MID1: variants seen among roughly 807,000 people sequenced by gnomAD.
MID1 encodes the protein midline 1, also known as E3 ubiquitin-protein ligase Midline-1.
MID1 carries 7 observed loss-of-function variants against 40.4 expected under a neutral mutation model. The ratio of observed to expected loss-of-function variants is 0.17; its 90% CI spans 0.10 to 0.33. The LOEUF (loss-of-function observed/expected upper bound fraction) is 0.33. Among genes scored for constraint, MID1 ranks in the 10% least tolerant of loss-of-function variants. The pLI is 1.00. For synonymous variants in MID1, 229 were observed against 221.2 expected (o/e 1.04, Z -0.31); for missense variants, 367 against 558.5 (o/e 0.66, Z 3.46).
chrX:10,623,105 G>T (rs1229922709), upstream of MID1, among the ~76,000 whole-genome samples: 1 of 97,064 alleles, frequency 1.0e-5, no homozygotes, highest in Non-Finnish European at 2.0e-5. Context: ...AAAAAAAATA[G>T]CTGGGCATGG....
intron 1 of MID1, among the ~76,000 whole-genome samples, chrX:10,815,330 G>T (rs2044128865): frequency 8.9e-6 from 1 of 112,095 alleles, no homozygotes; most frequent in South Asian, 3.7e-4. Flanking sequence ...GCCAGAACAA[G>T]AAATCACTTC....
At chrX:10,581,298 A>G (rs1240963090) in intron 1 of MID1, among the ~76,000 whole-genome samples, 1 of 111,873 alleles carries the variant, frequency 8.9e-6, no homozygotes, top group Non-Finnish European at 1.9e-5. Context: ...CAAACAAAAA[A>G]CATGTAGTAC....
chrX:10,503,825 G>C (rs1209366135), intron 3 of MID1, among the ~76,000 whole-genome samples: 1 of 112,109 alleles, frequency 8.9e-6, no homozygotes, highest in Non-Finnish European at 1.9e-5. Context: ...AAGGAAGCAA[G>C]ACACTATCAA....
rs764098546 is a variant in MID1 at position 10,567,397 on chromosome X, T to C, written c.151A>G (p.Ile51Val). The C allele has an allele frequency of 5.8e-6, 7 of 1,205,885 alleles. No homozygotes were observed. The highest frequency in any genetic ancestry group is 7.9e-6 in the Non-Finnish European group (7 of 891,554). ...HCATNESVES[I>V]TAFQCPTCRH... ...CAGGTGGGGCACTGGAAGGCGGTGA[T>C]GGACTCCACAGACTCGTTGGTGGCA... The change falls in exon 2 of 10, where the codon ATC becomes GTC. Residue 51 changes from isoleucine to valine, a missense_variant. Transcript: ENST00000317552.
At position 10,566,960 on chromosome X, in the gene MID1, G is replaced by C. The variant is rs41303167; in HGVS notation, c.588C>G (p.Ala196=). The change falls in exon 2 of 10, where the codon GCC becomes GCG. Residue 196 remains alanine (A), a synonymous_variant. Coordinates refer to ENST00000317552, the MANE Select transcript of MID1 (RefSeq NM_000381.4). ...YCVTDDQLIC[A]LCKLVGRHRD... is the part of the protein sequence containing the mutation. Reference sequence around the variant, plus strand: ...GGTGCCGCCCAACCAGTTTACACAAGGCACAGATTAACTGGTCATCGGTCA... The same window carrying C: ...GGTGCCGCCCAACCAGTTTACACAACGCACAGATTAACTGGTCATCGGTCA... 2.2e-3 allele frequency: 2,673 copies of C among 1,210,045 alleles called. 3 individuals are homozygous for C. The highest frequency in any genetic ancestry group is 2.6e-3 in the Non-Finnish European group (2,356 of 895,214).
chrX:10,512,755 A>C (rs936203147), intron 3 of MID1, among the ~76,000 whole-genome samples: 1 of 112,361 alleles, frequency 8.9e-6, no homozygotes, highest in Non-Finnish European at 1.9e-5. Flanking sequence ...GCCTTGTCAG[A>C]GAATTAGACC....
At chrX:10,805,166 C>T (rs901606209) in intron 1 of MID1, among the ~76,000 whole-genome samples, 1 of 108,954 alleles carries the variant, frequency 9.2e-6, no homozygotes, top group Non-Finnish European at 1.9e-5. Context: ...GTGCGCTGCA[C>T]CCACTAACTT....
chrX:10,637,455 T>C (rs1274892553), intron 1 of MID1, among the ~76,000 whole-genome samples: 1 of 109,189 alleles, frequency 9.2e-6, no homozygotes, highest in East Asian at 2.9e-4. Context: ...TGAAACTCCA[T>C]CTCTACTAAA....
At chrX:10,522,614 C>T (rs1002106243) in intron 3 of MID1, among the ~76,000 whole-genome samples, 4 of 111,663 alleles carry the variant, frequency 3.6e-5, no homozygotes, top group South Asian at 3.8e-4. Flanking sequence ...CTCCTGCCTC[C>T]GCCTCTGGAG....
chrX:10,493,455 A>T (rs1365530421), intron 4 of MID1, among the ~76,000 whole-genome samples: 1 of 112,466 alleles, frequency 8.9e-6, no homozygotes, highest in Non-Finnish European at 1.9e-5. Context: ...CACTGAGATA[A>T]TAAATCTATG....
At chrX:10,724,132 G>A (rs1217237775) in intron 1 of MID1, among the ~76,000 whole-genome samples, 1 of 111,002 alleles carries the variant, frequency 9.0e-6, no homozygotes, top group Non-Finnish European at 1.9e-5. Flanking sequence ...GTATTATCTC[G>A]GCTCACTGCA....
chrX:10,666,243 G>T (rs764849317), intron 1 of MID1, among the ~76,000 whole-genome samples: 1 of 110,923 alleles, frequency 9.0e-6, no homozygotes, highest in Non-Finnish European at 1.9e-5. Flanking sequence ...AATCTCCTGG[G>T]ATCTTCTCAG....
chrX:10,702,176 G>A, intron 1 of MID1, among the ~76,000 whole-genome samples: 1 of 112,340 alleles, frequency 8.9e-6, no homozygotes, highest in Non-Finnish European at 1.9e-5. Flanking sequence ...AAATCCACTG[G>A]AAATAACATT....
chrX:10,613,728 TATATAGAGAG>T (rs1440267112), intron 1 of MID1, among the ~76,000 whole-genome samples: 152 of 39,996 alleles, frequency 3.8e-3, no homozygotes, highest in Non-Finnish European at 5.3e-3. Flanking sequence ...TATATATATA[TATATAGAGAG>T]AGAGAGAGAG....
chrX:10,478,305 A>T (rs1191026279), intron 5 of MID1, among the ~76,000 whole-genome samples: 1 of 112,264 alleles, frequency 8.9e-6, no homozygotes, highest in Admixed American at 9.5e-5. Context: ...TACATTATAC[A>T]TTTGCATTCA....
intron 7 of MID1, chrX:10,469,228 C>A (rs1041400860): frequency 1.9e-6 from 1 of 514,385 alleles, no homozygotes; most frequent in African/African-American, 2.5e-5. Flanking sequence ...TGTGTCACCA[C>A]ACCCCGCTAA....
intron 5 of MID1, 104 bp from the exon 6 acceptor site, chrX:10,474,854 CT>C: frequency 2.4e-6 from 2 of 831,557 alleles, no homozygotes; most frequent in Middle Eastern, 5.5e-4. Flanking sequence ...TTAAAAAGTG[CT>C]TTTTTACACA....
intron 1 of MID1, among the ~76,000 whole-genome samples, chrX:10,783,745 C>G (rs2043861715): frequency 9.1e-6 from 1 of 109,725 alleles, no homozygotes; most frequent in African/African-American, 3.3e-5. Flanking sequence ...GATCAAAATA[C>G]ATTGTTATAA....
chrX:10,579,207 A>C (rs1429444199), intron 1 of MID1, among the ~76,000 whole-genome samples: 5 of 112,091 alleles, frequency 4.5e-5, no homozygotes, highest in Admixed American at 9.5e-5. Flanking sequence ...GGTCACCTGG[A>C]AATGAGCAAA....
Sources: allele counts gnomAD v4.1 joint callset (sites outside exome capture counted in the v4.1 genomes callset), GRCh38; gene constraint gnomAD v4.1.1; transcripts MANE v1.5; gene names NCBI Gene and HGNC (gene_info 2026-07-23, HGNC 2026-07-21).